Variants in ARSB observed in about 807,000 individuals in gnomAD.
ARSB encodes arylsulfatase B.
A neutral mutation model predicts 50.9 loss-of-function variants in ARSB; 41 were observed. The ratio of observed to expected loss-of-function variants is 0.81; its 90% confidence interval spans 0.63 to 1.04. ARSB has a LOEUF of 1.04. Among genes scored for constraint, ARSB ranks in the 50% least tolerant of loss-of-function variants. The pLI, the probability that ARSB is intolerant of heterozygous loss-of-function variation, is 0.00. For synonymous variants in ARSB, 269 were observed against 284.8 expected, an observed-to-expected ratio of 0.94 and a Z score of 0.56; for missense variants, 672 against 693.3, an observed-to-expected ratio of 0.97 and a Z score of 0.35.
chr5:78,793,461 T>C (rs1743053250), intron 6 of ARSB, among the ~76,000 whole-genome samples: 1 of 152,200 alleles, frequency 6.6e-6, no homozygotes, highest in South Asian at 2.1e-4. Flanking sequence ...ATAGATTTTA[T>C]AGCTAAATCA....
chr5:78,937,450 ATAT>A (rs1750683332), intron 4 of ARSB, among the ~76,000 whole-genome samples: 1 of 145,214 alleles, frequency 6.9e-6, no homozygotes, highest in Non-Finnish European at 1.5e-5. Context: ...TATATATCTT[ATAT>A]ATATAATGAA....
At chr5:78,944,613 G>A (rs1191574436) in intron 4 of ARSB, among the ~76,000 whole-genome samples, 1 of 152,192 alleles carries the variant, frequency 6.6e-6, no homozygotes, top group Non-Finnish European at 1.5e-5. Flanking sequence ...AACAGCAAAT[G>A]TTGCTGCATG....
In ARSB at chr5:78,780,310, G is replaced by C; in HGVS notation, c.*87C>G. 6.3e-7 allele frequency: 1 copy of C among 1,588,742 alleles called. No homozygotes were observed. Among genetic ancestry groups the C allele is most frequent in the East Asian group, 2.2e-5 (1 of 44,734 alleles). ...GCAAGAGAAGGGCCAAGTGAACCCA[G>C]GTTGGGATAACAAATGAGACAAGAG... On this transcript the variant is annotated 3_prime_UTR_variant, in exon 8 of 8. Transcript: ENST00000264914.
chr5:78,900,404 A>C (rs1748746770), intron 4 of ARSB, among the ~76,000 whole-genome samples: 1 of 152,184 alleles, frequency 6.6e-6, no homozygotes, highest in Non-Finnish European at 1.5e-5. Flanking sequence ...TACGGAACCC[A>C]AGAAGGTGAG....
intron 5 of ARSB, among the ~76,000 whole-genome samples, chr5:78,841,170 A>ACT (rs200366443): frequency 0.023 from 3,330 of 147,770 alleles, 71 homozygotes; most frequent in African/African-American, 0.052. Flanking sequence ...TACTACTACT[A>ACT]ATAATAATAA....
intron 3 of ARSB, among the ~76,000 whole-genome samples, chr5:78,956,277 T>C (rs1445938023): frequency 6.6e-6 from 1 of 152,226 alleles, no homozygotes; most frequent in African/African-American, 2.4e-5. Flanking sequence ...AAAGTCCTCA[T>C]ATTATGTAAT....
intron 6 of ARSB, among the ~76,000 whole-genome samples, chr5:78,814,590 C>A (rs1370549557): frequency 1.3e-5 from 2 of 150,884 alleles, no homozygotes; most frequent in African/African-American, 4.9e-5. Flanking sequence ...CCTCTTCCCA[C>A]CTAATATGTC....
At chr5:78,857,007 T>C (rs1031436617) in intron 5 of ARSB, among the ~76,000 whole-genome samples, 9 of 152,186 alleles carry the variant, frequency 5.9e-5, no homozygotes, top group African/African-American at 2.2e-4. Context: ...GTACCTATCT[T>C]ACAGAGTTGT....
At chr5:78,798,055 T>C (rs1045439837) in intron 6 of ARSB, among the ~76,000 whole-genome samples, 6 of 152,192 alleles carry the variant, frequency 3.9e-5, no homozygotes, top group Non-Finnish European at 7.3e-5. Flanking sequence ...ATAACTGGAT[T>C]TGGCAACAGG....
chr5:78,860,833 T>A (rs772460407), intron 5 of ARSB, among the ~76,000 whole-genome samples: 5 of 152,104 alleles, frequency 3.3e-5, no homozygotes, highest in Admixed American at 6.5e-5. Flanking sequence ...GCTGGTTTTC[T>A]GAAAAGATCA....
intron 5 of ARSB, among the ~76,000 whole-genome samples, chr5:78,844,474 T>C (rs1745358918): frequency 6.6e-6 from 1 of 152,190 alleles, no homozygotes; most frequent in Admixed American, 6.6e-5. Context: ...GCTAATATTT[T>C]CTCCTATTCT....
chr5:78,789,275 C>T (rs1194246227), intron 6 of ARSB, among the ~76,000 whole-genome samples: 4 of 152,124 alleles, frequency 2.6e-5, no homozygotes, highest in South Asian at 2.1e-4. Flanking sequence ...TTAACATTTT[C>T]GTATATAGCC....
chr5:78,906,824 A>T (rs1749088415), intron 4 of ARSB, among the ~76,000 whole-genome samples: 1 of 152,194 alleles, frequency 6.6e-6, no homozygotes, highest in South Asian at 2.1e-4. Context: ...CATGATTTTA[A>T]TGAGAATGGG....
chr5:78,803,945 G>A (rs990182184), intron 6 of ARSB, among the ~76,000 whole-genome samples: 3 of 152,202 alleles, frequency 2.0e-5, no homozygotes, highest in Non-Finnish European at 4.4e-5. Context: ...CTGGTCAAGG[G>A]CCTATTTGTT....
At chr5:78,840,704 C>T (rs541684064) in intron 5 of ARSB, among the ~76,000 whole-genome samples, 1 of 150,350 alleles carries the variant, frequency 6.7e-6, no homozygotes, top group South Asian at 2.1e-4. Context: ...CCATAAATCA[C>T]AGTGATCAGA....
At chr5:78,862,482 C>G (rs150219217) in intron 5 of ARSB, among the ~76,000 whole-genome samples, 50 of 152,208 alleles carry the variant, frequency 3.3e-4, no homozygotes, top group African/African-American at 1.1e-3. Context: ...ACAAACCTGA[C>G]AAAAACAAGA....
chr5:78,851,353 C>T (rs2112046344), intron 5 of ARSB, among the ~76,000 whole-genome samples: 1 of 152,216 alleles, frequency 6.6e-6, no homozygotes, highest in African/African-American at 2.4e-5. Context: ...GTTCAGTTTC[C>T]ATGTAGTTGA....
chr5:78,804,634 T>C (rs554886177), intron 6 of ARSB, among the ~76,000 whole-genome samples: 1 of 152,326 alleles, frequency 6.6e-6, no homozygotes, highest in African/African-American at 2.4e-5. Context: ...AGGCAAGCTG[T>C]AATTACCCAA....
intron 4 of ARSB, among the ~76,000 whole-genome samples, chr5:78,907,875 C>T (rs1421243208): frequency 6.6e-6 from 1 of 152,074 alleles, no homozygotes; most frequent in Non-Finnish European, 1.5e-5. Flanking sequence ...AAGTGCTGAG[C>T]ATATAGGGAG....
Sources: gnomAD v4.1 joint callset for allele counts (sites outside exome capture counted in the v4.1 genomes callset) on GRCh38, gnomAD v4.1.1 for gene constraint, MANE v1.5 for transcripts, NCBI Gene and HGNC (gene_info 2026-07-23, HGNC 2026-07-21) for gene names.